The following ARHGAP35 variants were observed in gnomAD, a reference collection of about 807,000 sequenced individuals.
The protein encoded by ARHGAP35 is Rho GTPase activating protein 35.
In ARHGAP35, 15 loss-of-function variants were observed where a neutral mutation model predicts 111.1. The ratio of observed to expected loss-of-function variants is 0.13; its 90% CI spans 0.09 to 0.21. The LOEUF (loss-of-function observed/expected upper bound fraction) is 0.21, where lower values mean the gene tolerates loss of function less well. Among genes scored for constraint, ARHGAP35 ranks in the 10% least tolerant of loss-of-function variants. The pLI, the probability that ARHGAP35 is intolerant of heterozygous loss-of-function variation, is 1.00. For missense variants in ARHGAP35, 1,262 were observed against 1,873.0 expected (o/e 0.67, Z 6.02); for synonymous variants, 643 against 710.3 (o/e 0.91, Z 1.51).
chr19:46,889,003 ACAAAACAAAG>A (rs1041680242), intron 1 of ARHGAP35, among the ~76,000 whole-genome samples: 3 of 151,806 alleles, frequency 2.0e-5, no homozygotes, highest in African/African-American at 7.3e-5. Context: ...CCGTCTCAAA[ACAAAACAAAG>A]CAAAACAAAA....
intron 3 of ARHGAP35, among the ~76,000 whole-genome samples, chr19:46,965,703 T>G (rs1054137541): frequency 1.3e-5 from 2 of 152,166 alleles, no homozygotes; most frequent in African/African-American, 4.8e-5. Flanking sequence ...CAGGCTGATC[T>G]CCAACTCCTG....
chr19:46,988,888 A>C lies in ARHGAP35; in HGVS notation c.3905-656A>C, dbSNP rs1350604802. 1 of 153,398 alleles carries C rather than the reference A, an allele frequency of 6.5e-6. No individual in the cohort carries two copies. Among genetic ancestry groups the C allele is most frequent in the Non-Finnish European group, 1.5e-5 (1 of 68,928 alleles). 9.5% of individuals were successfully genotyped at this position (153,398 alleles called of 1,614,324 possible). ...AGACACGAGGCCAAAGTGAGGGTAG[A>C]GCCCCCAGTGTGGGATGCATTTGTA... On this transcript the variant is annotated intron_variant, in intron 4 of 6. Transcript: ENST00000672722. The surrounding 1 kb of genome is among the most constrained non-coding windows in gnomAD (Gnocchi z 5.4).
At chr19:46,874,501 C>CTTTTTT (rs758783354) in intron 1 of ARHGAP35, among the ~76,000 whole-genome samples, 18 of 114,442 alleles carry the variant, frequency 1.6e-4, no homozygotes, top group Non-Finnish European at 1.9e-4. Flanking sequence ...TATGTTTTGT[C>CTTTTTT]TTTTTTTTTT....
intron 1 of ARHGAP35, among the ~76,000 whole-genome samples, chr19:46,865,162 A>ATCT (rs2055848474): frequency 1.3e-5 from 2 of 152,196 alleles, no homozygotes; most frequent in Non-Finnish European, 2.9e-5. Flanking sequence ...GTGAGGTGGT[A>ATCT]GCCTTGGCCT....
chr19:46,918,748 G>A lies in ARHGAP35; in HGVS notation c.73G>A (p.Glu25Lys), dbSNP rs2056178788. The A allele has an allele frequency of 6.2e-7, 1 of 1,613,894 alleles. No individual in the cohort carries two copies. Among genetic ancestry groups the A allele is most frequent in the Non-Finnish European group, 8.5e-7 (1 of 1,179,904 alleles). Residue 25 changes from glutamate (E) to lysine (K), a missense_variant, in exon 2 of 7, where the codon GAG (glutamate) becomes AAG (lysine). Glu to Lys is a moderately conservative substitution (Grantham distance 56). Around this residue, in one of 8 missense-constraint regions of ARHGAP35, gnomAD observed 125 missense variants for 301.7 expected, o/e 0.41. Transcript: ENST00000672722. The surrounding 1 kb of genome is among the most constrained non-coding windows in gnomAD (Gnocchi z 5.4). Reference protein sequence around the residue: ...NISVVGLSGTEKEKGQCGIGK... With the variant: ...NISVVGLSGTKKEKGQCGIGK... Reference sequence around the variant, plus strand: ...CAGTGTGGTGGGATTATCTGGGACCGAGAAGGAAAAGGGCCAGTGTGGGAT... The same window carrying A: ...CAGTGTGGTGGGATTATCTGGGACCAAGAAGGAAAAGGGCCAGTGTGGGAT...
chr19:46,958,490 A>G (rs1314564305), intron 3 of ARHGAP35, among the ~76,000 whole-genome samples: 1 of 152,090 alleles, frequency 6.6e-6, no homozygotes, highest in Admixed American at 6.5e-5. Flanking sequence ...GAAAACTACT[A>G]TGGGAGGAGG....
chr19:46,874,501 CT>C lies in ARHGAP35; in HGVS notation c.-189+13312del, dbSNP rs758783354. Among the ~76,000 whole-genome samples the C allele has an allele frequency of 9.2e-3, 1,052 of 114,448 alleles. 16 individuals are homozygous for C. The highest frequency in any genetic ancestry group is 0.056 in the Admixed American group (558 of 9,976). The allele number at this position is 114,448 out of a possible 152,430, so 75.1% of individuals were successfully genotyped here. On this transcript the variant is annotated intron_variant, in intron 1 of 6. Transcript: ENST00000672722. ...TCCAAGCTCATGTTTTATGTTTTGT[CT>C]TTTTTTTTTTTTTTTTTTTGAGTCG...
chr19:46,915,286 T>C (rs563968233), intron 1 of ARHGAP35, among the ~76,000 whole-genome samples: 1 of 152,334 alleles, frequency 6.6e-6, no homozygotes, highest in South Asian at 2.1e-4. Flanking sequence ...ACCTTGCTTG[T>C]TCCTGCTGAA....
intron 3 of ARHGAP35, among the ~76,000 whole-genome samples, chr19:46,958,756 T>C (rs1011747264): frequency 6.6e-6 from 1 of 152,236 alleles, no homozygotes; most frequent in African/African-American, 2.4e-5. Flanking sequence ...TTTTGCACCC[T>C]GGTAGTGAAG....
chr19:46,904,147 G>T (rs1034435436), intron 1 of ARHGAP35, among the ~76,000 whole-genome samples: 2 of 152,132 alleles, frequency 1.3e-5, no homozygotes, highest in African/African-American at 4.8e-5. Flanking sequence ...GGGGTGGGAA[G>T]TGGGCGCAAA....
intron 3 of ARHGAP35, among the ~76,000 whole-genome samples, chr19:46,956,722 C>T (rs773122229): frequency 6.6e-6 from 1 of 152,210 alleles, no homozygotes; most frequent in Non-Finnish European, 1.5e-5. Flanking sequence ...GAGTCAGTCT[C>T]TTTGGATGCC....
intron 3 of ARHGAP35, among the ~76,000 whole-genome samples, chr19:46,943,400 T>G (rs995228003): frequency 6.6e-6 from 1 of 152,152 alleles, no homozygotes; most frequent in Admixed American, 6.5e-5. Context: ...ACGTATGAAT[T>G]GGGCTTACGG....
At chr19:46,930,855 G>A (rs559126828) in intron 2 of ARHGAP35, among the ~76,000 whole-genome samples, 4 of 151,944 alleles carry the variant, frequency 2.6e-5, no homozygotes, top group African/African-American at 7.2e-5. Flanking sequence ...CATTGAGGGC[G>A]GGAGACGACT....
Position 46,956,756 on chromosome 19 carries a change from G to T in ARHGAP35, c.3826+19348G>T, listed in dbSNP as rs149321912. On this transcript the variant is annotated intron_variant, in intron 3 of 6. Transcript: ENST00000672722. ...CCAGGCCTAGCTCTGCTACCCAGTA[G>T]CTGTGTGATCTGGGGCAAGTGACTT... Among the ~76,000 whole-genome samples, 53 of 152,284 alleles carry T rather than the reference G, an allele frequency of 3.5e-4. No homozygotes were observed. In the East Asian group the frequency reaches 0.01, roughly 29 times the overall value.
intron 1 of ARHGAP35, among the ~76,000 whole-genome samples, chr19:46,917,076 A>G (rs2056168383): frequency 6.6e-6 from 1 of 151,994 alleles, no homozygotes; most frequent in East Asian, 1.9e-4. Flanking sequence ...TTATGCAACT[A>G]TTTCTGTAAC....
intron 3 of ARHGAP35, among the ~76,000 whole-genome samples, chr19:46,984,356 T>C (rs2056637641): frequency 6.6e-6 from 1 of 152,132 alleles, no homozygotes; most frequent in African/African-American, 2.4e-5. Flanking sequence ...TAGACACAAA[T>C]GCCTTAATAT....
At chr19:46,978,672 G>GAT (rs146635970) in intron 3 of ARHGAP35, among the ~76,000 whole-genome samples, 2 of 50,448 alleles carry the variant, frequency 4.0e-5, no homozygotes, top group Non-Finnish European at 4.4e-5. Flanking sequence ...TGTGTGGTGG[G>GAT]GTTTGTGTGG....
Position 46,919,965 on chromosome 19 carries a change from T to C in ARHGAP35, c.1290T>C (p.Val430=). ...AGCTGAGGAACGAAAGGAAAAGAGT[T>C]GAGATGCGAAGGGCGTTTAAAGAAA... is the stretch of plus-strand genomic sequence containing the variant. ...LEKLRNERKR[V]EMRRAFKENL... Residue 430 remains valine, a synonymous_variant, in exon 2 of 7, where the codon GTT becomes GTC. Transcript: ENST00000672722. The surrounding 1 kb of genome is among the most constrained non-coding windows in gnomAD (Gnocchi z 6.2). 1 of 1,613,594 alleles carries C rather than the reference T, an allele frequency of 6.2e-7. No individual in the cohort carries two copies. Among genetic ancestry groups the C allele is most frequent in the Non-Finnish European group, 8.5e-7 (1 of 1,179,650 alleles).
At chr19:46,932,263 C>T (rs1054874390) in intron 2 of ARHGAP35, among the ~76,000 whole-genome samples, 3 of 152,134 alleles carry the variant, frequency 2.0e-5, no homozygotes, top group East Asian at 1.9e-4. Flanking sequence ...GCTTGGGTGA[C>T]GGAGTAAGAC....
Sources: gnomAD v4.1 joint callset for allele counts (sites outside exome capture counted in the v4.1 genomes callset) on GRCh38, gnomAD v4.1.1 for gene constraint, gnomAD v4.1.1 regional missense constraint, Gnocchi (gnomAD v3.1) non-coding constraint, MANE v1.5 for transcripts, NCBI Gene and HGNC (gene_info 2026-07-23, HGNC 2026-07-21) for gene names.